The following LRRC37A2 variants were observed in gnomAD, a reference collection of about 807,000 sequenced individuals.
LRRC37A2 encodes the protein leucine rich repeat containing 37 member A2, also known as leucine-rich repeat-containing protein 37A2.
Under a neutral mutation model 68.8 loss-of-function variants are expected in LRRC37A2, and 9 were observed. The ratio of observed to expected loss-of-function variants is 0.13; its 90% CI spans 0.08 to 0.23. The LOEUF is 0.23. Among genes scored for constraint, LRRC37A2 ranks in the 10% least tolerant of loss-of-function variants. The pLI, the probability that LRRC37A2 is intolerant of heterozygous loss-of-function variation, is 1.00. For missense variants in LRRC37A2, 168 were observed against 950.4 expected (o/e 0.18, Z 10.82); for synonymous variants, 63 against 367.6 (o/e 0.17, Z 9.48).
the LRRC37A2 span, chr17:46,726,507 G>C: frequency 6.4e-7 from 1 of 1,572,116 alleles, no homozygotes; most frequent in Non-Finnish European, 8.8e-7. Context: ...TGTCGTAACT[G>C]TGGAGGACAG....
chr17:46,751,126 A>G, the LRRC37A2 span, among the ~76,000 whole-genome samples: 27 of 152,348 alleles, frequency 1.8e-4, no homozygotes, highest in African/African-American at 6.3e-4. Context: ...TTACCCATGT[A>G]GACAGCTTTT....
the LRRC37A2 span, among the ~76,000 whole-genome samples, chr17:46,795,277 C>T: frequency 1.3e-5 from 2 of 152,150 alleles, no homozygotes; most frequent in African/African-American, 2.4e-5. Context: ...CCTCTACCGG[C>T]GCCCCATGTC....
chr17:46,935,019 T>C, the LRRC37A2 span: 44 of 1,611,456 alleles, frequency 2.7e-5, no homozygotes. Context: ...TGCCTGTGTT[T>C]CTTTCACAGG....
chr17:46,875,189 G>A, the LRRC37A2 span: 44 of 1,613,986 alleles, frequency 2.7e-5, no homozygotes, highest in Non-Finnish European at 3.7e-5. Flanking sequence ...GGCGCATGGA[G>A]CGCTGCACCT....
the LRRC37A2 span, among the ~76,000 whole-genome samples, chr17:47,038,470 C>A: frequency 6.6e-6 from 1 of 151,808 alleles, no homozygotes; most frequent in East Asian, 1.9e-4. Flanking sequence ...TTTTAGTTAT[C>A]CGAGTGTGGT....
chr17:47,017,067 T>C, the LRRC37A2 span: 37 of 1,351,852 alleles, frequency 2.7e-5, no homozygotes, highest in African/African-American at 5.5e-4. Context: ...AAGGCGTGCT[T>C]GGGCGGGATT....
At chr17:46,951,169 C>T in the LRRC37A2 span, among the ~76,000 whole-genome samples, 1 of 152,190 alleles carries the variant, frequency 6.6e-6, no homozygotes, top group East Asian at 1.9e-4. Flanking sequence ...ACACGCACTG[C>T]CAGACCACGC....
the LRRC37A2 span, among the ~76,000 whole-genome samples, chr17:46,846,502 G>A: frequency 1.3e-5 from 2 of 152,206 alleles, no homozygotes; most frequent in African/African-American, 2.4e-5. Flanking sequence ...ATAGGCACTG[G>A]CACAAAGTAC....
At chr17:46,783,107 C>T in the LRRC37A2 span, among the ~76,000 whole-genome samples, 1 of 152,296 alleles carries the variant, frequency 6.6e-6, no homozygotes, top group Non-Finnish European at 1.5e-5. Context: ...CCCTCTGGCT[C>T]GCCTGCATCT....
chr17:46,667,996 C>CCCT, the LRRC37A2 span, among the ~76,000 whole-genome samples: 1 of 142,418 alleles, frequency 7.0e-6, no homozygotes, highest in East Asian at 1.9e-4. Flanking sequence ...CTTTAGCAGC[C>CCCT]TTGCTCCTCA....
the LRRC37A2 span, among the ~76,000 whole-genome samples, chr17:46,973,767 C>T: frequency 3.3e-5 from 5 of 152,148 alleles, no homozygotes. Flanking sequence ...AGAGATACTA[C>T]TCGGAAATCC....
the LRRC37A2 span, among the ~76,000 whole-genome samples, chr17:47,013,762 T>C: frequency 1.3e-5 from 2 of 152,232 alleles, no homozygotes; most frequent in African/African-American, 2.4e-5. Context: ...CTGTGGAGTA[T>C]GACCCAGTGA....
the LRRC37A2 span, among the ~76,000 whole-genome samples, chr17:46,788,328 C>T: frequency 3.9e-5 from 6 of 152,218 alleles, no homozygotes; most frequent in Admixed American, 1.3e-4. Flanking sequence ...GTCAGTCTCC[C>T]ATTTTACAGA....
At chr17:47,003,832 T>C in the LRRC37A2 span, among the ~76,000 whole-genome samples, 1 of 152,184 alleles carries the variant, frequency 6.6e-6, no homozygotes, top group Non-Finnish European at 1.5e-5. Context: ...TAACTTGTCA[T>C]TTACATTAGG....
the LRRC37A2 span, among the ~76,000 whole-genome samples, chr17:47,044,019 T>G: frequency 9.3e-6 from 1 of 107,518 alleles, no homozygotes; most frequent in Admixed American, 1.1e-4. Context: ...CACTCCAGCC[T>G]GGGCAACAAG....
the LRRC37A2 span, among the ~76,000 whole-genome samples, chr17:46,801,100 G>A: frequency 2.0e-5 from 3 of 152,238 alleles, no homozygotes; most frequent in African/African-American, 4.8e-5. Context: ...AATAGCCCTC[G>A]TTATCCCCAT....
At chr17:46,414,605 C>G in the LRRC37A2 span, among the ~76,000 whole-genome samples, 1 of 151,404 alleles carries the variant, frequency 6.6e-6, no homozygotes, top group Non-Finnish European at 1.5e-5. Context: ...GAACTGGATA[C>G]ACTTATTTTT....
the LRRC37A2 span, among the ~76,000 whole-genome samples, chr17:46,894,570 C>T: frequency 2.6e-5 from 4 of 152,318 alleles, no homozygotes; most frequent in Admixed American, 6.5e-5. Context: ...GCGGAAGTGC[C>T]GGCACTGCGG....
intron 6 of LRRC37A2, among the ~76,000 whole-genome samples, chr17:46,533,036 G>A (rs1438169950): frequency 3.3e-5 from 4 of 121,926 alleles, no homozygotes; most frequent in Non-Finnish European, 6.7e-5. Context: ...CCGGGAGATC[G>A]GTGCTGCAGT....
Sources: allele counts gnomAD v4.1 joint callset (sites outside exome capture counted in the v4.1 genomes callset), GRCh38; gene constraint gnomAD v4.1.1; transcripts MANE v1.5; gene names NCBI Gene and HGNC (gene_info 2026-07-23, HGNC 2026-07-21).